The following TSPEAR variants were observed in gnomAD, a reference collection of about 807,000 sequenced individuals.
The protein encoded by TSPEAR is thrombospondin type laminin G domain and EAR repeats.
In TSPEAR, 69 loss-of-function variants were observed where a neutral mutation model predicts 71.6. That is an observed-to-expected ratio of 0.96 (90% CI 0.79 to 1.18). The LOEUF (loss-of-function observed/expected upper bound fraction) is 1.18. Ranked by LOEUF, TSPEAR falls within the 50% of genes most tolerant of loss-of-function variation. TSPEAR has a pLI of 0.00. For synonymous variants in TSPEAR, 402 were observed against 387.2 expected (o/e 1.04, Z -0.45); for missense variants, 971 against 894.9 (o/e 1.09, Z -1.09).
intron 1 of TSPEAR, chr21:44,574,322 G>A (rs1352806566): frequency 6.2e-7 from 1 of 1,606,556 alleles, no homozygotes; most frequent in Non-Finnish European, 8.5e-7. Context: ...CCTGCTGCCA[G>A]GCGGTCTGTG....
At chr21:44,558,448 A>C in intron 2 of TSPEAR, 1 of 1,614,108 alleles carries the variant, frequency 6.2e-7, no homozygotes, top group Non-Finnish European at 8.5e-7. Context: ...GAGGATGTGC[A>C]GCAAGCTGGC....
intron 1 of TSPEAR, among the ~76,000 whole-genome samples, chr21:44,570,024 G>A (rs587657278): frequency 2.7e-4 from 41 of 152,280 alleles, no homozygotes; most frequent in African/African-American, 9.6e-4. Flanking sequence ...CCCAGTCTCA[G>A]AGAGACACTG....
chr21:44,572,648 C>G (rs1293444107), intron 1 of TSPEAR, among the ~76,000 whole-genome samples: 3 of 151,890 alleles, frequency 2.0e-5, no homozygotes, highest in African/African-American at 7.3e-5. Context: ...CAGGTTCTGC[C>G]ATTGTGTCTG....
At chr21:44,590,283 G>C (rs76726471) in intron 1 of TSPEAR, among the ~76,000 whole-genome samples, 8,900 of 152,296 alleles carry the variant, frequency 0.058, 839 homozygotes, top group African/African-American at 0.2. Flanking sequence ...ACGCGGTATC[G>C]TGGACCACGT....
intron 8 of TSPEAR, among the ~76,000 whole-genome samples, chr21:44,524,872 CAGTCAGGTAGTT>C (rs1247718649): frequency 6.7e-6 from 1 of 149,964 alleles, no homozygotes. Flanking sequence ...GCCAGTCAGC[CAGTCAGGTAGTT>C]AGTCAGGTAA....
Position 44,527,603 on chromosome 21 carries a change from C to T in TSPEAR, c.923-85G>A, listed in dbSNP as rs1295194902. 5.1e-6 allele frequency: 7 copies of T among 1,374,766 alleles called. No homozygotes were observed. The East Asian group carries it at 9.4e-5, about 18-fold the overall frequency. 85.2% of individuals were successfully genotyped at this position (1,374,766 alleles called of 1,614,324 possible). The stretch of plus-strand genomic sequence containing the variant: ...CCTCGCGGGAGCGCGATTCCCAAGC[C>T]CCAAGTCACAAGCCACGACTCCTGC... On this transcript the variant is annotated intron_variant, in intron 6 of 11. Transcript: ENST00000323084.
chr21:44,652,058 A>G (rs374256147), intron 1 of TSPEAR, among the ~76,000 whole-genome samples: 2 of 140,314 alleles, frequency 1.4e-5, no homozygotes, highest in African/African-American at 5.4e-5. Flanking sequence ...ATCTCGGCTC[A>G]CTGCAAGGTC....
chr21:44,499,746 A>C lies in TSPEAR; in HGVS notation c.*37T>G. The C allele has an allele frequency of 6.5e-7, 1 of 1,529,962 alleles. No individual in the cohort carries two copies. 94.8% of individuals were successfully genotyped at this position (1,529,962 alleles called of 1,614,324 possible). A position where few individuals can be genotyped will look rare whatever the true frequency, so the allele number is the denominator to read the frequency against. ...GGGGGAGGTGCTGGGGTCCCGCCCC[A>C]CCTGGCCACCCCAGTTGCTGCCGGG... On this transcript the variant is annotated 3_prime_UTR_variant, in exon 12 of 12. Coordinates refer to ENST00000323084, the MANE Select transcript of TSPEAR (RefSeq NM_144991.3).
intron 1 of TSPEAR, among the ~76,000 whole-genome samples, chr21:44,639,826 C>T (rs587753063): frequency 3.0e-4 from 46 of 151,818 alleles, no homozygotes; most frequent in African/African-American, 1.1e-3. Context: ...CTTCCCTGTC[C>T]AAGGCACCGA....
At chr21:44,583,002 CT>C (rs35000802) in intron 1 of TSPEAR, among the ~76,000 whole-genome samples, 143,359 of 151,706 alleles carry the variant, frequency 0.94, 67,862 homozygotes, top group Non-Finnish European at 0.97. Context: ...TTCTTTCTTT[CT>C]TTTTTTTTTT....
At chr21:44,683,284 G>A (rs767911561) in intron 1 of TSPEAR, among the ~76,000 whole-genome samples, 4 of 122,812 alleles carry the variant, frequency 3.3e-5, no homozygotes, top group African/African-American at 1.2e-4. Flanking sequence ...TCATTCTCCA[G>A]TAACTGACGG....
intron 1 of TSPEAR, chr21:44,638,019 CCTGCTGCG>C (rs1348765638): frequency 1.2e-6 from 2 of 1,612,898 alleles, no homozygotes; most frequent in Non-Finnish European, 1.7e-6. Flanking sequence ...TGCAAGTCCA[CCTGCTGCG>C]TGCCCGTCCC....
chr21:44,705,876 G>T (rs374060248), intron 1 of TSPEAR, among the ~76,000 whole-genome samples: 332 of 151,864 alleles, frequency 2.2e-3, no homozygotes, highest in Admixed American at 5.9e-3. Context: ...ACACCTATTC[G>T]CACACTCCTT....
At chr21:44,500,304 C>T (rs2052006308) in intron 11 of TSPEAR, among the ~76,000 whole-genome samples, 1 of 152,212 alleles carries the variant, frequency 6.6e-6, no homozygotes, top group Non-Finnish European at 1.5e-5. Context: ...GGCCACCACG[C>T]AGGCTGGAAC....
chr21:44,680,333 C>T (rs1160473629), intron 1 of TSPEAR, among the ~76,000 whole-genome samples: 3 of 152,030 alleles, frequency 2.0e-5, no homozygotes, highest in Non-Finnish European at 4.4e-5. Context: ...ATCAAAACTA[C>T]AATGAGATAG....
At chr21:44,706,171 GC>G (rs1193880022) in intron 1 of TSPEAR, among the ~76,000 whole-genome samples, 15 of 152,230 alleles carry the variant, frequency 9.9e-5, no homozygotes, top group Non-Finnish European at 1.9e-4. Context: ...GGCGGCCTAG[GC>G]CAGGTAGAAC....
chr21:44,603,506 C>T (rs1178659941), intron 1 of TSPEAR, among the ~76,000 whole-genome samples: 1 of 152,186 alleles, frequency 6.6e-6, no homozygotes, highest in Non-Finnish European at 1.5e-5. Flanking sequence ...TAGGCATGGC[C>T]CCAGCAAGCA....
intron 1 of TSPEAR, among the ~76,000 whole-genome samples, chr21:44,619,905 A>C (rs1169306254): frequency 1.3e-5 from 2 of 152,242 alleles, no homozygotes; most frequent in Non-Finnish European, 2.9e-5. Context: ...GCATACCAAC[A>C]CACTTAGCAG....
At chr21:44,597,000 C>T (rs952887772) in intron 1 of TSPEAR, among the ~76,000 whole-genome samples, 6 of 152,038 alleles carry the variant, frequency 3.9e-5, no homozygotes, top group East Asian at 1.9e-4. Flanking sequence ...TTAGTTTTAT[C>T]GGTTTTTTAA....
Sources: allele counts gnomAD v4.1 joint callset (sites outside exome capture counted in the v4.1 genomes callset), GRCh38; gene constraint gnomAD v4.1.1; transcripts MANE v1.5; gene names NCBI Gene and HGNC (gene_info 2026-07-23, HGNC 2026-07-21).